Variants in CTBP2 observed in about 807,000 individuals in gnomAD.
CTBP2 encodes the protein C-terminal-binding protein 2.
In CTBP2, 30 loss-of-function variants were observed where a neutral mutation model predicts 80.3. That is an observed-to-expected ratio of 0.37 (90% CI 0.28 to 0.51). The LOEUF is 0.51. CTBP2 is among the 20% of genes least tolerant of loss of function. The pLI is 0.93. For missense variants in CTBP2, 1,212 were observed against 1,375.3 expected (o/e 0.88, Z 1.88); for synonymous variants, 594 against 587.4 (o/e 1.01, Z -0.16).
At chr10:125,106,479 G>T (rs1255766763) in intron 2 of CTBP2, among the ~76,000 whole-genome samples, 1 of 152,212 alleles carries the variant, frequency 6.6e-6, no homozygotes, top group Non-Finnish European at 1.5e-5. Flanking sequence ...CACACATGCT[G>T]GCAGGTGGAT....
upstream of CTBP2, among the ~76,000 whole-genome samples, chr10:125,033,054 C>CTCACTCCCAAGTCTCGGATAAATCTGCG (rs1379703953): frequency 1.3e-5 from 2 of 152,216 alleles, no homozygotes; most frequent in Non-Finnish European, 2.9e-5. Flanking sequence ...GACTCTCAGC[C>CTCACTCCCAAGTCTCGGATAAATCTGCG]TCACTCCCAA....
Position 125,027,880 on chromosome 10 carries a change from A to G in CTBP2, c.-121T>C, listed in dbSNP as rs1206602105. 3 of 1,426,308 alleles carry G rather than the reference A, an allele frequency of 2.1e-6. No individual in the cohort carries two copies. The highest frequency in any genetic ancestry group is 2.5e-5 in the East Asian group (1 of 39,774). The allele number at this position is 1,426,308 out of a possible 1,614,324, so 88.4% of individuals were successfully genotyped here. On this transcript the variant is annotated 5_prime_UTR_variant, in exon 1 of 9. Transcript: ENST00000309035. ...CCTTCCGAGACGGCAGGGACAACCA[A>G]CTGGGGGTTTTCTGTTTCAAAGCAT...
chr10:124,999,718 A>G (rs1954174017), intron 3 of CTBP2: 1 of 152,240 alleles, frequency 6.6e-6, no homozygotes, highest in Non-Finnish European at 1.5e-5. Flanking sequence ...TCTTGCAGGA[A>G]ACTGGCCTCA....
intron 2 of CTBP2, among the ~76,000 whole-genome samples, chr10:125,088,924 G>A (rs1471081297): frequency 6.6e-6 from 1 of 152,170 alleles, no homozygotes; most frequent in Non-Finnish European, 1.5e-5. Context: ...CAAAGATCAA[G>A]ATGAGATAAA....
chr10:124,994,914 ACAG>A (rs1953257808), intron 4 of CTBP2, among the ~76,000 whole-genome samples: 1 of 152,250 alleles, frequency 6.6e-6, no homozygotes, highest in African/African-American at 2.4e-5. Flanking sequence ...TATATTGGGT[ACAG>A]CAGGATTTTT....
Position 124,984,631 on chromosome 10 carries a change from C to T in CTBP2, c.*4887G>A. The stretch of plus-strand genomic sequence containing the variant: ...AACTGGACTTTAATCACAAAACTTC[C>T]AAGAGGTCAAAACCATGTGAAAAGT... On this transcript the variant is annotated 3_prime_UTR_variant, in exon 9 of 9. Transcript: ENST00000309035. The T allele has an allele frequency of 1.3e-6, 1 of 754,848 alleles. No homozygotes were observed. Among genetic ancestry groups the T allele is most frequent in the Non-Finnish European group, 2.1e-6 (1 of 484,576 alleles). 46.8% of individuals were successfully genotyped at this position (754,848 alleles called of 1,614,324 possible).
upstream of CTBP2, among the ~76,000 whole-genome samples, chr10:125,029,613 G>A (rs143012411): frequency 3.9e-3 from 592 of 152,210 alleles, 3 homozygotes; most frequent in African/African-American, 0.014. Flanking sequence ...TTGTTGTAAT[G>A]AACAACATGA....
intron 2 of CTBP2, among the ~76,000 whole-genome samples, chr10:125,062,405 C>G (rs1745654656): frequency 6.6e-6 from 1 of 152,024 alleles, no homozygotes; most frequent in South Asian, 2.1e-4. Flanking sequence ...ATGAGGACAT[C>G]TGCTTTTTTA....
chr10:125,043,413 C>A (rs1173803913), intron 2 of CTBP2, among the ~76,000 whole-genome samples: 1 of 152,166 alleles, frequency 6.6e-6, no homozygotes, highest in Non-Finnish European at 1.5e-5. Flanking sequence ...GTTTTATAGA[C>A]CCTCTCGATT....
chr10:125,125,883 G>A (rs1439622454), intron 1 of CTBP2, among the ~76,000 whole-genome samples: 3 of 152,362 alleles, frequency 2.0e-5, no homozygotes, highest in East Asian at 1.9e-4. Context: ...CAGAAGAAGT[G>A]TAAACAAGTC....
chr10:125,048,139 C>T (rs891098063), intron 2 of CTBP2, among the ~76,000 whole-genome samples: 65 of 152,098 alleles, frequency 4.3e-4, no homozygotes, highest in African/African-American at 1.5e-3. Context: ...TGCTTGCTCT[C>T]AAAACCAATG....
Position 125,026,546 on chromosome 10 carries a change from C to CG in CTBP2, c.1213dup (p.Arg405ProfsTer61), listed in dbSNP as rs1248040613. 4.5e-6 allele frequency: 7 copies of CG among 1,573,030 alleles called. No individual in the cohort carries two copies. Among genetic ancestry groups the CG allele is most frequent in the Non-Finnish European group, 6.0e-6 (7 of 1,160,394 alleles). On this transcript the variant is annotated frameshift_variant, in exon 1 of 9. Transcript: ENST00000309035. LOFTEE classifies it high-confidence loss of function. ...GTGCTGAGATGGTGCGCTGGAGGGA[C>CG]GGCGAGCCGGGTCTCCAGCTCGGGG...
intron 1 of CTBP2, among the ~76,000 whole-genome samples, chr10:125,159,432 G>GCCCGGCCCGC (rs1275153871): frequency 1.4e-5 from 2 of 143,820 alleles, no homozygotes; most frequent in African/African-American, 5.0e-5. Context: ...CGCGCCCGCC[G>GCCCGGCCCGC]CCCGGCCCGC....
chr10:125,092,851 C>A (rs545762479), intron 2 of CTBP2, among the ~76,000 whole-genome samples: 1 of 152,310 alleles, frequency 6.6e-6, no homozygotes, highest in South Asian at 2.1e-4. Flanking sequence ...GAGCGACACC[C>A]AGTGAGATGT....
chr10:125,120,164 C>T (rs910175464), intron 1 of CTBP2, among the ~76,000 whole-genome samples: 5 of 152,156 alleles, frequency 3.3e-5, no homozygotes, highest in Non-Finnish European at 2.9e-5. Context: ...CGACTGATGC[C>T]GGGAAAGAGG....
In CTBP2 at chr10:124,984,675, C is replaced by A; in HGVS notation, c.*4843G>T. 1 of 1,251,142 alleles carries A rather than the reference C, an allele frequency of 8.0e-7. No homozygotes were observed. 77.5% of individuals were successfully genotyped at this position (1,251,142 alleles called of 1,614,324 possible). On this transcript the variant is annotated 3_prime_UTR_variant, in exon 9 of 9. Transcript: ENST00000309035. ...GAAAAGTTGATTGCTTTGGCCTTTT[C>A]ATGAGTTAGCATACCAGCTGTAGGT...
chr10:125,002,694 C>T (rs539357924), intron 3 of CTBP2, among the ~76,000 whole-genome samples: 58 of 152,316 alleles, frequency 3.8e-4, no homozygotes, highest in African/African-American at 1.4e-3. Context: ...CCAAATTGAG[C>T]CTGTGCCAGC....
In CTBP2 at chr10:125,159,009, C is replaced by T. The variant is rs548948941; in HGVS notation, c.-206+1310G>A. Reference sequence around the variant, plus strand: ...GGGCGCGGCGTGGGCTGCAGGCGACCCGCCACGCCGCTGGGCCTCCCGCGG... The same window carrying T: ...GGGCGCGGCGTGGGCTGCAGGCGACTCGCCACGCCGCTGGGCCTCCCGCGG... On this transcript the variant is annotated intron_variant, in intron 1 of 10. Coordinates refer to the CTBP2 transcript ENST00000337195. 1.1e-3 allele frequency among the ~76,000 whole-genome samples: 169 copies of T among 151,854 alleles called. 1 individual carries two copies. Among genetic ancestry groups the T allele is most frequent in the African/African-American group, 3.8e-3 (157 of 41,500 alleles).
At chr10:125,059,031 G>A (rs1045311906) in intron 2 of CTBP2, among the ~76,000 whole-genome samples, 4 of 152,178 alleles carry the variant, frequency 2.6e-5, no homozygotes, top group African/African-American at 9.7e-5. Context: ...CCACTAGGAT[G>A]GGCAGGGGGA....
Sources: gnomAD v4.1 joint callset for allele counts (sites outside exome capture counted in the v4.1 genomes callset) on GRCh38, gnomAD v4.1.1 for gene constraint, MANE v1.5 for transcripts, NCBI Gene and HGNC (gene_info 2026-07-23, HGNC 2026-07-21) for gene names.